The following SATL1 variants were observed in gnomAD, a reference collection of about 807,000 sequenced individuals.
SATL1 encodes spermidine/spermine N(1)-acetyltransferase-like protein 1.
Under a neutral mutation model 51.8 loss-of-function variants are expected in SATL1, and 47 were observed. The ratio of observed to expected loss-of-function variants is 0.91; its 90% CI spans 0.72 to 1.16. The LOEUF (loss-of-function observed/expected upper bound fraction) is 1.16, where lower values mean the gene tolerates loss of function less well. SATL1 is among the 50% of genes most tolerant of loss of function. The probability of loss-of-function intolerance (pLI) is 0.00; values close to 1 mark genes in which losing one functional copy is unlikely to be tolerated. For missense variants in SATL1, 520 were observed against 526.4 expected, an observed-to-expected ratio of 0.99 and a Z score of 0.12; for synonymous variants, 176 against 182.4, an observed-to-expected ratio of 0.97 and a Z score of 0.28.
chrX:85,133,249 C>T (rs1047402186), intron 2 of SATL1, among the ~76,000 whole-genome samples: 1 of 112,305 alleles, frequency 8.9e-6, no homozygotes, highest in Non-Finnish European at 1.9e-5. Context: ...TTCAGCTATG[C>T]CGTGCCTCCA....
intron 1 of SATL1, among the ~76,000 whole-genome samples, chrX:85,229,509 T>C (rs1158890316): frequency 9.0e-6 from 1 of 111,675 alleles, no homozygotes; most frequent in Non-Finnish European, 1.9e-5. Flanking sequence ...GGATGGTTAA[T>C]ATATGCAAAT....
At position 85,210,775 on chromosome X, in the gene SATL1, C is replaced by A. The variant is rs1294342973; in HGVS notation, c.-313+13430G>T. On this transcript the variant is annotated intron_variant, in intron 2 of 7. Coordinates refer to ENST00000644105, the MANE Select transcript of SATL1 (RefSeq NM_001367857.2). ...TTCTTGCCAATCTTCATTGAACTCA[C>A]ACTTCAAAAGTCATGGTTTTCTCTT... 1.8e-4 allele frequency: 20 copies of A among 111,713 alleles called. No individual in the cohort carries two copies. The Admixed American group carries it at 1.9e-3, about 11-fold the overall frequency. The allele number at this position is 111,713 out of a possible 1,213,427, so 9.2% of individuals were successfully genotyped here.
intron 2 of SATL1, among the ~76,000 whole-genome samples, chrX:85,145,296 AT>A (rs1460037920): frequency 1.8e-5 from 2 of 111,492 alleles, no homozygotes; most frequent in Admixed American, 1.9e-4. Flanking sequence ...AATTATGCTT[AT>A]TTTTATGTCT....
At chrX:85,095,077 TTCTC>T (rs1924664154) in intron 4 of SATL1, 81 bp from the exon 5 acceptor site, 2 of 546,529 alleles carry the variant, frequency 3.7e-6, no homozygotes, top group Non-Finnish European at 6.3e-6. Context: ...CACTAGGAAT[TTCTC>T]TCTCCACCTG....
At chrX:85,111,597 T>G (rs1348082485) in intron 2 of SATL1, among the ~76,000 whole-genome samples, 1 of 112,521 alleles carries the variant, frequency 8.9e-6, no homozygotes, top group Non-Finnish European at 1.9e-5. Flanking sequence ...TATTGTAAGC[T>G]TGTTTATTTT....
chrX:85,099,609 T>G (rs770135720), intron 4 of SATL1, among the ~76,000 whole-genome samples: 1 of 111,733 alleles, frequency 8.9e-6, no homozygotes, highest in Non-Finnish European at 1.9e-5. Context: ...AATATCAATT[T>G]AATACATCAT....
chrX:85,163,002 CT>C (rs546402967), intron 2 of SATL1, among the ~76,000 whole-genome samples: 2,707 of 96,379 alleles, frequency 0.028, 68 homozygotes, highest in African/African-American at 0.072. Flanking sequence ...CTGTAGTTTT[CT>C]TTTTTTTTTT....
intron 2 of SATL1, among the ~76,000 whole-genome samples, chrX:85,200,091 C>A (rs148142459): frequency 7.2e-5 from 8 of 111,290 alleles, no homozygotes; most frequent in African/African-American, 2.6e-4. Context: ...CTACTATGTA[C>A]CTACAGAAAT....
In SATL1 at chrX:85,203,282, A is replaced by C. The variant is rs1464573511; in HGVS notation, c.-313+20923T>G. On this transcript the variant is annotated intron_variant, in intron 2 of 7. Transcript: ENST00000644105. ...AGACCCCAGTTGAGAGGTCCCACCC[A>C]GTGAGGAAGAATGGGAAAGGCACCC... Among the ~76,000 whole-genome samples the C allele has an allele frequency of 4.5e-5, 5 of 111,320 alleles. No individual in the cohort carries two copies. In the Admixed American group the frequency reaches 4.7e-4, roughly 11 times the overall value.
intron 4 of SATL1, among the ~76,000 whole-genome samples, chrX:85,101,861 A>G (rs1203304101): frequency 9.0e-6 from 1 of 110,527 alleles, no homozygotes; most frequent in Non-Finnish European, 1.9e-5. Flanking sequence ...AGAAATTCAG[A>G]TACAGGCTAC....
chrX:85,202,444 T>C (rs1263389816), intron 2 of SATL1, among the ~76,000 whole-genome samples: 1 of 111,788 alleles, frequency 8.9e-6, no homozygotes, highest in East Asian at 2.8e-4. Flanking sequence ...GTTGCAGCTC[T>C]GTTCCCTCTC....
intron 2 of SATL1, among the ~76,000 whole-genome samples, chrX:85,120,250 A>G (rs1002916997): frequency 1.8e-5 from 2 of 111,313 alleles, no homozygotes; most frequent in African/African-American, 6.5e-5. Flanking sequence ...CTTTATTTGT[A>G]CTCACAAATC....
chrX:85,129,012 A>C (rs1050762360), intron 2 of SATL1, among the ~76,000 whole-genome samples: 3 of 111,009 alleles, frequency 2.7e-5, no homozygotes, highest in Non-Finnish European at 3.8e-5. Context: ...CTATCTCTCT[A>C]TTTTGGTACC....
At chrX:85,243,021 T>A (rs932648625) in intron 1 of SATL1, among the ~76,000 whole-genome samples, 1 of 112,254 alleles carries the variant, frequency 8.9e-6, no homozygotes, top group Non-Finnish European at 1.9e-5. Context: ...ACTCCTGGTC[T>A]ACTATGAGCC....
chrX:85,201,444 C>T (rs1186589819), intron 2 of SATL1, among the ~76,000 whole-genome samples: 1 of 110,423 alleles, frequency 9.1e-6, no homozygotes, highest in Non-Finnish European at 1.9e-5. Context: ...TATTTTAACT[C>T]CATTTATATA....
chrX:85,142,447 T>C (rs973198703), intron 2 of SATL1, among the ~76,000 whole-genome samples: 2 of 107,957 alleles, frequency 1.9e-5, no homozygotes, highest in Non-Finnish European at 3.8e-5. Context: ...AAACAAATTA[T>C]ACCAGGTCAA....
At chrX:85,189,692 A>G (rs1927395049) in intron 2 of SATL1, among the ~76,000 whole-genome samples, 1 of 112,316 alleles carries the variant, frequency 8.9e-6, no homozygotes, top group Non-Finnish European at 1.9e-5. Flanking sequence ...CAAGACTATG[A>G]ATACAACTTG....
chrX:85,146,550 G>C (rs1282276173), intron 2 of SATL1, among the ~76,000 whole-genome samples: 1 of 111,984 alleles, frequency 8.9e-6, no homozygotes, highest in Non-Finnish European at 1.9e-5. Context: ...AGTGCATATA[G>C]GGTTCAGTAC....
intron 1 of SATL1, among the ~76,000 whole-genome samples, chrX:85,228,738 T>C (rs1220838809): frequency 8.9e-6 from 1 of 111,763 alleles, no homozygotes; most frequent in Non-Finnish European, 1.9e-5. Flanking sequence ...CTAGTTTTCC[T>C]CCTGCCTTGT....
Sources: gnomAD v4.1 joint callset for allele counts (sites outside exome capture counted in the v4.1 genomes callset) on GRCh38, gnomAD v4.1.1 for gene constraint, MANE v1.5 for transcripts, NCBI Gene and HGNC (gene_info 2026-07-23, HGNC 2026-07-21) for gene names.